The following PRKN variants were observed in gnomAD, a reference collection of about 807,000 sequenced individuals.
The protein encoded by PRKN is E3 ubiquitin-protein ligase parkin.
Under a neutral mutation model 59.5 loss-of-function variants are expected in PRKN, and 56 were observed. The observed-to-expected ratio is 0.94, with a 90% CI of 0.76 to 1.18. The LOEUF is 1.18. Ranked by LOEUF, PRKN falls within the 50% of genes most tolerant of loss-of-function variation. The pLI, the probability that PRKN is intolerant of heterozygous loss-of-function variation, is 0.00. For missense variants in PRKN, 657 were observed against 596.4 expected (o/e 1.10, Z -1.06); for synonymous variants, 250 against 222.1 (o/e 1.13, Z -1.12).
chr6:162,392,566 A>G (rs1787257217), intron 2 of PRKN, among the ~76,000 whole-genome samples: 2 of 152,180 alleles, frequency 1.3e-5, no homozygotes, highest in South Asian at 4.1e-4. Flanking sequence ...TATTTATGGA[A>G]CTGTAATTTA....
intron 6 of PRKN, among the ~76,000 whole-genome samples, chr6:161,939,595 G>C (rs1216140344): frequency 6.6e-6 from 1 of 151,262 alleles, no homozygotes; most frequent in South Asian, 2.1e-4. Context: ...AGTCGGGTGT[G>C]GTGGTGGGTT....
chr6:162,347,797 T>C (rs918156883), intron 2 of PRKN, among the ~76,000 whole-genome samples: 2 of 152,218 alleles, frequency 1.3e-5, no homozygotes, highest in African/African-American at 4.8e-5. Flanking sequence ...ATTTTTTTGG[T>C]AATTATTTTA....
At chr6:161,794,227 T>C (rs1257309751) in intron 6 of PRKN, among the ~76,000 whole-genome samples, 1 of 152,222 alleles carries the variant, frequency 6.6e-6, no homozygotes, top group East Asian at 1.9e-4. Context: ...CCACTTTTTC[T>C]GTTGCAGACA....
At chr6:162,299,370 C>G (rs544716449) in intron 2 of PRKN, among the ~76,000 whole-genome samples, 4 of 152,182 alleles carry the variant, frequency 2.6e-5, no homozygotes, top group African/African-American at 9.6e-5. Context: ...CTGGTTTTTA[C>G]CCTTAGGTGG....
chr6:162,124,122 C>G (rs1781027955), intron 4 of PRKN, among the ~76,000 whole-genome samples: 1 of 152,048 alleles, frequency 6.6e-6, no homozygotes, highest in African/African-American at 2.4e-5. Context: ...GAGAACTAGC[C>G]TCATCATGCC....
At chr6:162,509,939 C>T (rs1321955330) in intron 1 of PRKN, among the ~76,000 whole-genome samples, 1 of 152,116 alleles carries the variant, frequency 6.6e-6, no homozygotes, top group Non-Finnish European at 1.5e-5. Flanking sequence ...AGAAAATAGG[C>T]AACTCCCATT....
chr6:161,877,917 A>G (rs1280266813), intron 6 of PRKN, among the ~76,000 whole-genome samples: 1 of 151,958 alleles, frequency 6.6e-6, no homozygotes, highest in African/African-American at 2.4e-5. Context: ...ACTCCCATAT[A>G]TGCAGTATGG....
At chr6:161,768,116 A>C (rs1366656272) in intron 7 of PRKN, among the ~76,000 whole-genome samples, 1 of 151,982 alleles carries the variant, frequency 6.6e-6, no homozygotes, top group East Asian at 1.9e-4. Context: ...GAGTTATGTC[A>C]GAAACAAGAG....
rs1383987747 is a variant in PRKN, at chr6:161,423,973, A to G, written c.1084-37096T>C. Among the ~76,000 whole-genome samples, 1 of 152,214 alleles carries G rather than the reference A, an allele frequency of 6.6e-6. No homozygotes were observed. The highest frequency in any genetic ancestry group is 2.4e-5 in the African/African-American group (1 of 41,442). ...GGCCAATGAAGGTCAATGTCAAAGC[A>G]CAAGGCTGGTATTGAGACTGGAGTA... On this transcript the variant is annotated intron_variant, in intron 9 of 11. Transcript: ENST00000366898. This position sits in a 1 kb window ranked among gnomAD's most constrained non-coding sequence, Gnocchi z 5.9.
intron 5 of PRKN, among the ~76,000 whole-genome samples, chr6:162,002,680 T>C (rs938164992): frequency 6.6e-6 from 1 of 152,128 alleles, no homozygotes; most frequent in African/African-American, 2.4e-5. Flanking sequence ...CACCTTTGGA[T>C]TTAATTTGCT....
In PRKN at chr6:162,302,777, A is replaced by G. The variant is rs182753243; in HGVS notation, c.172-40012T>C. Reference sequence around the variant, plus strand: ...AACAGGGGTCTCTTTAAGACTCTAGATATGTGGTAAGTTGTTACACAGCCA... The same window carrying G: ...AACAGGGGTCTCTTTAAGACTCTAGGTATGTGGTAAGTTGTTACACAGCCA... On this transcript the variant is annotated intron_variant, in intron 2 of 11. Transcript: ENST00000366898. 4.5e-4 allele frequency among the ~76,000 whole-genome samples: 68 copies of G among 152,130 alleles called. 2 individuals carry two copies. The highest frequency in any genetic ancestry group is 1.6e-3 in the African/African-American group (66 of 41,478).
chr6:162,166,047 C>CAAAAAAAAAAAAA (rs10557222), intron 4 of PRKN, among the ~76,000 whole-genome samples: 12 of 80,200 alleles, frequency 1.5e-4, no homozygotes, highest in African/African-American at 4.6e-4. Context: ...GACTCTATCT[C>CAAAAAAAAAAAAA]AAAAAAAAAA....
In PRKN at chr6:162,313,341, G is replaced by T. The variant is rs549656031; in HGVS notation, c.172-50576C>A. 2.0e-5 allele frequency among the ~76,000 whole-genome samples: 3 copies of T among 152,192 alleles called. No individual in the cohort carries two copies. The East Asian group carries it at 5.8e-4, about 29-fold the overall frequency. The stretch of plus-strand genomic sequence containing the variant: ...TCTATGAATTTGGCTACTCTAGGTA[G>T]TTCACAGAGTATTTTTCTTTTTGTA... On this transcript the variant is annotated intron_variant, in intron 2 of 11. Transcript: ENST00000366898.
chr6:161,839,095 A>G (rs981015914), intron 6 of PRKN, among the ~76,000 whole-genome samples: 5 of 152,136 alleles, frequency 3.3e-5, no homozygotes, highest in Admixed American at 1.3e-4. Flanking sequence ...GGGGAGAAGA[A>G]GCGCTGTTAA....
At chr6:161,374,359 C>T (rs1165422664) in intron 10 of PRKN, among the ~76,000 whole-genome samples, 1 of 138,210 alleles carries the variant, frequency 7.2e-6, no homozygotes, top group Non-Finnish European at 1.6e-5. Context: ...TATGTGTGCG[C>T]CGTGTGTGTT....
At chr6:162,175,253 C>T (rs1176394741) in intron 4 of PRKN, among the ~76,000 whole-genome samples, 1 of 152,136 alleles carries the variant, frequency 6.6e-6, no homozygotes, top group Admixed American at 6.5e-5. Context: ...AATTAAAATG[C>T]TTGAATCACG....
intron 7 of PRKN, among the ~76,000 whole-genome samples, chr6:161,605,931 C>T (rs1024770489): frequency 3.9e-5 from 6 of 152,100 alleles, no homozygotes; most frequent in African/African-American, 1.2e-4. Context: ...CAGCAAGATG[C>T]GGACATGTGT....
Position 161,533,772 on chromosome 6 carries a change from A to G in PRKN, c.1083+15082T>C, listed in dbSNP as rs117746475. Among the ~76,000 whole-genome samples, 3,034 of 151,524 alleles carry G rather than the reference A, an allele frequency of 0.02. 47 individuals carry two copies. The highest frequency in any genetic ancestry group is 0.032 in the African/African-American group (1,326 of 41,410). Reference sequence around the variant, plus strand: ...TCCTCTCTCCTTTCTTCCGCCTGTTAAACTTTCCACTCCTTAACCCACCCA... The same window carrying G: ...TCCTCTCTCCTTTCTTCCGCCTGTTGAACTTTCCACTCCTTAACCCACCCA... On this transcript the variant is annotated intron_variant, in intron 9 of 11. Transcript: ENST00000366898. This position sits in a 1 kb window ranked among gnomAD's most constrained non-coding sequence, Gnocchi z 4.1.
chr6:162,119,380 C>T (rs963292606), intron 4 of PRKN, among the ~76,000 whole-genome samples: 1 of 152,212 alleles, frequency 6.6e-6, no homozygotes, highest in East Asian at 1.9e-4. Context: ...GGTACTCAGA[C>T]ATTTTCTCTC....
Sources: gnomAD v4.1 joint callset for allele counts (sites outside exome capture counted in the v4.1 genomes callset) on GRCh38, gnomAD v4.1.1 for gene constraint, Gnocchi (gnomAD v3.1) non-coding constraint, MANE v1.5 for transcripts, NCBI Gene and HGNC (gene_info 2026-07-23, HGNC 2026-07-21) for gene names.